The following ARRDC4 variants were observed in gnomAD, a reference collection of about 807,000 sequenced individuals.
The protein encoded by ARRDC4 is arrestin domain-containing protein 4.
ARRDC4 carries 40 observed loss-of-function variants against 44.6 expected under a neutral mutation model. The observed-to-expected ratio is 0.90, with a 90% CI of 0.70 to 1.17. ARRDC4 has a LOEUF of 1.17. Among genes scored for constraint, ARRDC4 ranks in the 50% most tolerant of loss-of-function variants. ARRDC4 has a pLI of 0.00. For synonymous variants in ARRDC4, 211 were observed against 221.2 expected (o/e 0.95, Z 0.41); for missense variants, 550 against 559.1 (o/e 0.98, Z 0.16).
rs1350575104 is a variant in ARRDC4 at position 97,972,697 on chromosome 15, T to C, written c.*1510T>C. ...GATCCAGAAACCCTGGTGCTTCCCC[T>C]GCAGAATACTGTACTTCATTTAACA... On this transcript the variant is annotated 3_prime_UTR_variant, in exon 8 of 8. Coordinates refer to ENST00000268042, the MANE Select transcript of ARRDC4 (RefSeq NM_183376.3). This position sits in a 1 kb window ranked among gnomAD's most constrained non-coding sequence, Gnocchi z 5.3. 3.3e-5 allele frequency: 5 copies of C among 152,724 alleles called. No homozygotes were observed. In the East Asian group the frequency reaches 9.7e-4, roughly 30 times the overall value. The allele number at this position is 152,724 out of a possible 1,614,324, so 9.5% of individuals were successfully genotyped here.
intron 1 of ARRDC4, among the ~76,000 whole-genome samples, chr15:97,963,303 C>A (rs928945645): frequency 2.6e-5 from 4 of 152,090 alleles, no homozygotes; most frequent in African/African-American, 9.7e-5. Context: ...AGCTTGTGAA[C>A]CTTTTACATT....
At position 97,965,239 on chromosome 15, in the gene ARRDC4, T is replaced by A. The variant is rs983742732; in HGVS notation, c.308-361T>A. Among the ~76,000 whole-genome samples the A allele has an allele frequency of 1.3e-5, 2 of 152,154 alleles. No individual in the cohort carries two copies. The highest frequency in any genetic ancestry group is 2.9e-5 in the Non-Finnish European group (2 of 68,034). Reference sequence around the variant, plus strand: ...TGAGGCCAGGAGTTCGAGACCAGCTTGGGCAATATAGCAAGACCCTCGTCT... The same window carrying A: ...TGAGGCCAGGAGTTCGAGACCAGCTAGGGCAATATAGCAAGACCCTCGTCT... On this transcript the variant is annotated intron_variant, in intron 1 of 7. Transcript: ENST00000268042. The surrounding 1 kb of genome is among the most constrained non-coding windows in gnomAD (Gnocchi z 5.1).
At chr15:97,964,475 T>C (rs1899380771) in intron 1 of ARRDC4, among the ~76,000 whole-genome samples, 1 of 152,216 alleles carries the variant, frequency 6.6e-6, no homozygotes, top group Non-Finnish European at 1.5e-5. Context: ...GAGAGCCTCC[T>C]GACCAACCGT....
chr15:97,961,315 A>G, intron 1 of ARRDC4, 147 bp downstream of exon 1: 1 of 750,016 alleles, frequency 1.3e-6, no homozygotes, highest in Non-Finnish European at 1.9e-6. Flanking sequence ...CTCGCGGGTA[A>G]GGAGAGACCG....
chr15:97,971,374 A>G lies in ARRDC4; in HGVS notation c.*187A>G, dbSNP rs2141537752. 2 of 601,098 alleles carry G rather than the reference A, an allele frequency of 3.3e-6. No homozygotes were observed. Among genetic ancestry groups the G allele is most frequent in the East Asian group, 5.8e-5 (2 of 34,344 alleles). The allele number at this position is 601,098 out of a possible 1,614,324, so 37.2% of individuals were successfully genotyped here. ...CGGCAGGATTGCCGCACAAGTTTAT[A>G]TGATGGTCGTATATATATCCCTGTT... On this transcript the variant is annotated 3_prime_UTR_variant, in exon 8 of 8. Transcript: ENST00000268042.
intron 1 of ARRDC4, among the ~76,000 whole-genome samples, chr15:97,961,898 TCA>T (rs1388970964): frequency 6.6e-6 from 1 of 152,166 alleles, no homozygotes; most frequent in African/African-American, 2.4e-5. Context: ...CCCTTCCTGC[TCA>T]CTTTGGTGAA....
At position 97,972,358 on chromosome 15, in the gene ARRDC4, T is replaced by C. The variant is rs1386909512; in HGVS notation, c.*1171T>C. On this transcript the variant is annotated 3_prime_UTR_variant, in exon 8 of 8. Transcript: ENST00000268042. The surrounding 1 kb of genome is among the most constrained non-coding windows in gnomAD (Gnocchi z 5.3). ...AGGTCTACTGATGGCAGTCACTGCA[T>C]TGTACATTATTCCAGTTCTTCAGTA... is the stretch of plus-strand genomic sequence containing the variant. 4 of 152,648 alleles carry C rather than the reference T, an allele frequency of 2.6e-5. No individual in the cohort carries two copies. The allele number at this position is 152,648 out of a possible 1,614,324, so 9.5% of individuals were successfully genotyped here.
intron 1 of ARRDC4, 109 bp downstream of exon 1, chr15:97,961,277 G>T (rs996585790): frequency 1.9e-6 from 2 of 1,044,558 alleles, no homozygotes; most frequent in Non-Finnish European, 2.5e-6. Context: ...GATCAGGGCG[G>T]GCTTCCGGGG....
rs567875284 is a variant in ARRDC4 at position 97,967,611 on chromosome 15, GATT to G, written c.523-399_523-397del. On this transcript the variant is annotated intron_variant, in intron 3 of 7. Transcript: ENST00000268042. The surrounding 1 kb of genome is among the most constrained non-coding windows in gnomAD (Gnocchi z 5.0). The stretch of plus-strand genomic sequence containing the variant: ...AATGCCAAAATAAATATAATGTTCT[GATT>G]ATTTTTTATTTTTATATCATTTATC... Among the ~76,000 whole-genome samples, 75 of 151,896 alleles carry G rather than the reference GATT, an allele frequency of 4.9e-4. No homozygotes were observed. Among genetic ancestry groups the G allele is most frequent in the African/African-American group, 1.7e-3 (70 of 41,432 alleles).
chr15:97,960,733 CG>C lies in ARRDC4; in HGVS notation c.-126del, dbSNP rs1567192118. 1.2e-6 allele frequency: 1 copy of C among 814,284 alleles called. No homozygotes were observed. The highest frequency in any genetic ancestry group is 1.8e-5 in the African/African-American group (1 of 55,950). The allele number at this position is 814,284 out of a possible 1,614,324, so 50.4% of individuals were successfully genotyped here. Reference sequence around the variant, plus strand: ...GCCTCTCGGCGAGCCGGTGCCCCATCGGGTACCGCACGGCTGCCGCGGCGGC... The same window carrying C: ...GCCTCTCGGCGAGCCGGTGCCCCATCGGTACCGCACGGCTGCCGCGGCGGC... On this transcript the variant is annotated 5_prime_UTR_variant, in exon 1 of 8. Transcript: ENST00000268042.
chr15:97,966,279 G>C lies in ARRDC4; in HGVS notation c.522+237G>C, dbSNP rs1215313589. On this transcript the variant is annotated intron_variant, in intron 3 of 7. Coordinates refer to ENST00000268042, the MANE Select transcript of ARRDC4 (RefSeq NM_183376.3). This position sits in a 1 kb window ranked among gnomAD's most constrained non-coding sequence, Gnocchi z 4.7. ...TATTGATTATGTCCCTGCTGTTCAG[G>C]GCTTCTTTTGCCAAAAAGTTACACA... Among the ~76,000 whole-genome samples, 1 of 151,970 alleles carries C rather than the reference G, an allele frequency of 6.6e-6. No homozygotes were observed. Among genetic ancestry groups the C allele is most frequent in the Non-Finnish European group, 1.5e-5 (1 of 68,012 alleles).
intron 1 of ARRDC4, among the ~76,000 whole-genome samples, chr15:97,964,428 G>A: frequency 6.6e-6 from 1 of 152,048 alleles, no homozygotes; most frequent in Non-Finnish European, 1.5e-5. Context: ...TATTAAATCT[G>A]AGCATGAAAT....
Position 97,968,925 on chromosome 15 carries a change from A to G in ARRDC4, c.626-198A>G, listed in dbSNP as rs1373695584. Among the ~76,000 whole-genome samples, 2 of 152,326 alleles carry G rather than the reference A, an allele frequency of 1.3e-5. No individual in the cohort carries two copies. The highest frequency in any genetic ancestry group is 4.8e-5 in the African/African-American group (2 of 41,564). On this transcript the variant is annotated intron_variant, in intron 4 of 7. Coordinates refer to ENST00000268042, the MANE Select transcript of ARRDC4 (RefSeq NM_183376.3). The surrounding 1 kb of genome is among the most constrained non-coding windows in gnomAD (Gnocchi z 5.4). ...GCTACTTTAGAAAAGTCAATAATGCAATAATTAGAAAATAAGATCTACCAC... is the reference window on the plus strand; with the variant it reads ...GCTACTTTAGAAAAGTCAATAATGCGATAATTAGAAAATAAGATCTACCAC...
Sources: gnomAD v4.1 joint callset for allele counts (sites outside exome capture counted in the v4.1 genomes callset) on GRCh38, gnomAD v4.1.1 for gene constraint, Gnocchi (gnomAD v3.1) non-coding constraint, MANE v1.5 for transcripts, NCBI Gene and HGNC (gene_info 2026-07-23, HGNC 2026-07-21) for gene names.